Variants in FRMD4A observed in about 807,000 individuals in gnomAD.
FRMD4A encodes FERM domain containing 4A.
Under a neutral mutation model 129.1 loss-of-function variants are expected in FRMD4A, and 29 were observed. That is an observed-to-expected ratio of 0.22 (90% CI 0.17 to 0.31). The LOEUF is 0.31. Among genes scored for constraint, FRMD4A ranks in the 10% least tolerant of loss-of-function variants. FRMD4A has a pLI of 1.00. For synonymous variants in FRMD4A, 634 were observed against 571.6 expected, an observed-to-expected ratio of 1.11 and a Z score of -1.56; for missense variants, 1,272 against 1,375.8, an observed-to-expected ratio of 0.92 and a Z score of 1.19.
chr10:14,169,455 G>A (rs1313630597), intron 2 of FRMD4A, among the ~76,000 whole-genome samples: 1 of 152,116 alleles, frequency 6.6e-6, no homozygotes, highest in Non-Finnish European at 1.5e-5. Flanking sequence ...TTCCTATGGT[G>A]GATAAGCCCT....
intron 2 of FRMD4A, among the ~76,000 whole-genome samples, chr10:13,884,609 T>C (rs2094596858): frequency 6.6e-6 from 1 of 152,238 alleles, no homozygotes; most frequent in African/African-American, 2.4e-5. Flanking sequence ...CTTCCTTCCC[T>C]TCCCCCCACC....
intron 2 of FRMD4A, among the ~76,000 whole-genome samples, chr10:13,966,708 G>A (rs2095487431): frequency 6.6e-6 from 1 of 152,196 alleles, no homozygotes; most frequent in Non-Finnish European, 1.5e-5. Context: ...GTGTGACCTG[G>A]AGTGATCACA....
chr10:14,194,801 T>C (rs1318175517), intron 2 of FRMD4A, among the ~76,000 whole-genome samples: 1 of 151,806 alleles, frequency 6.6e-6, no homozygotes, highest in Non-Finnish European at 1.5e-5. Context: ...ATAGTATTAT[T>C]AATCTATATT....
intron 2 of FRMD4A, chr10:14,326,828 A>G: frequency 2.5e-6 from 1 of 398,578 alleles, no homozygotes; most frequent in Non-Finnish European, 4.4e-6. Context: ...AAGCCTCCTC[A>G]CGGGTTGGTG....
chr10:13,696,509 C>G (rs948602066), intron 14 of FRMD4A, among the ~76,000 whole-genome samples: 1 of 152,132 alleles, frequency 6.6e-6, no homozygotes, highest in African/African-American at 2.4e-5. Flanking sequence ...TTTGGGAGGC[C>G]GAGGTGGGTG....
intron 2 of FRMD4A, among the ~76,000 whole-genome samples, chr10:13,933,103 G>A (rs1166393231): frequency 6.6e-6 from 1 of 152,024 alleles, no homozygotes; most frequent in Non-Finnish European, 1.5e-5. Flanking sequence ...AGAGGTTGCA[G>A]TGAACTGAGA....
chr10:14,239,610 T>C (rs896502981), intron 2 of FRMD4A, among the ~76,000 whole-genome samples: 1 of 150,634 alleles, frequency 6.6e-6, no homozygotes, highest in Non-Finnish European at 1.5e-5. Flanking sequence ...CTGGGCGACA[T>C]AGCGAGACTC....
chr10:13,754,255 G>A (rs992717137), intron 8 of FRMD4A, among the ~76,000 whole-genome samples: 1 of 151,232 alleles, frequency 6.6e-6, no homozygotes, highest in African/African-American at 2.4e-5. Flanking sequence ...TGGCTTCTAA[G>A]CAATTCGCAT....
intron 2 of FRMD4A, among the ~76,000 whole-genome samples, chr10:14,145,286 C>T (rs1266619886): frequency 6.6e-6 from 1 of 152,194 alleles, no homozygotes; most frequent in East Asian, 1.9e-4. Flanking sequence ...ACTTAATTAA[C>T]CTCCCCCAGA....
chr10:13,700,950 G>C (rs765752685), intron 14 of FRMD4A, among the ~76,000 whole-genome samples: 1 of 144,748 alleles, frequency 6.9e-6, no homozygotes, highest in African/African-American at 2.6e-5. Context: ...GTGTCTATTC[G>C]TTGAGAAAGA....
intron 2 of FRMD4A, among the ~76,000 whole-genome samples, chr10:13,934,948 C>T (rs12776104): frequency 1.3e-5 from 2 of 152,134 alleles, no homozygotes; most frequent in South Asian, 2.1e-4. Context: ...AGGCCTCTGT[C>T]TGCTTCATAA....
chr10:14,121,096 G>A (rs561910297), intron 2 of FRMD4A, among the ~76,000 whole-genome samples: 1 of 152,316 alleles, frequency 6.6e-6, no homozygotes, highest in South Asian at 2.1e-4. Context: ...GGCCGGGTGT[G>A]GTGGCTCACA....
At chr10:13,943,260 C>G (rs1680699152) in intron 2 of FRMD4A, among the ~76,000 whole-genome samples, 1 of 152,080 alleles carries the variant, frequency 6.6e-6, no homozygotes, top group Non-Finnish European at 1.5e-5. Flanking sequence ...AGCAACGGTG[C>G]AGTGAGAGTA....
intron 2 of FRMD4A, among the ~76,000 whole-genome samples, chr10:14,084,928 C>G (rs1035491034): frequency 6.6e-6 from 1 of 152,172 alleles, no homozygotes; most frequent in Non-Finnish European, 1.5e-5. Flanking sequence ...CCCTGTGTGG[C>G]GTGGCTTGTC....
intron 14 of FRMD4A, 124 bp downstream of exon 14, chr10:13,701,216 T>C (rs1042873806): frequency 1.2e-6 from 1 of 810,686 alleles, no homozygotes; most frequent in Non-Finnish European, 2.0e-6. Context: ...GAGGCAAGCC[T>C]GTATCTGTGC....
At chr10:13,784,018 A>C (rs1919457) in intron 5 of FRMD4A, among the ~76,000 whole-genome samples, 103,828 of 151,922 alleles carry the variant, frequency 0.68, 35,753 homozygotes, top group East Asian at 0.82. Context: ...AAAGGAAGAG[A>C]GGGGAAAGGT....
At chr10:13,690,415 C>T (rs549681271) in intron 15 of FRMD4A, among the ~76,000 whole-genome samples, 1 of 152,348 alleles carries the variant, frequency 6.6e-6, no homozygotes, top group African/African-American at 2.4e-5. Flanking sequence ...TCAGCCATCC[C>T]AGCGGGAGGG....
chr10:13,923,151 C>T (rs940043647), intron 2 of FRMD4A, among the ~76,000 whole-genome samples: 16 of 152,120 alleles, frequency 1.1e-4, no homozygotes, highest in Admixed American at 1.0e-3. Flanking sequence ...GTGAGGTTTT[C>T]CAGGGCAATG....
intron 2 of FRMD4A, among the ~76,000 whole-genome samples, chr10:13,922,845 T>C (rs1475279796): frequency 6.6e-6 from 1 of 152,226 alleles, no homozygotes; most frequent in African/African-American, 2.4e-5. Context: ...ATTTCTGCCA[T>C]GTCTGTCTAT....
Sources: gnomAD v4.1 joint callset for allele counts (sites outside exome capture counted in the v4.1 genomes callset) on GRCh38, gnomAD v4.1.1 for gene constraint, MANE v1.5 for transcripts, NCBI Gene and HGNC (gene_info 2026-07-23, HGNC 2026-07-21) for gene names.